The following NT5DC4 variants were observed in gnomAD, a reference collection of about 807,000 sequenced individuals.
NT5DC4 encodes 5'-nucleotidase domain-containing protein 4.
A neutral mutation model predicts 26.6 loss-of-function variants in NT5DC4; 44 were observed. That is an observed-to-expected ratio of 1.65 (90% CI 1.30 to 2.13). NT5DC4 has a LOEUF of 2.13. Among genes scored for constraint, NT5DC4 ranks in the 30% most tolerant of loss-of-function variants. The pLI is 0.00. For synonymous variants in NT5DC4, 157 were observed against 86.7 expected, an observed-to-expected ratio of 1.81 and a Z score of -4.51; for missense variants, 399 against 228.1, an observed-to-expected ratio of 1.75 and a Z score of -4.83.
downstream of NT5DC4, chr2:112,740,764 A>T: frequency 2.8e-6 from 4 of 1,437,150 alleles, no homozygotes; most frequent in South Asian, 5.0e-5. Flanking sequence ...AAAAATCGAG[A>T]CTTGGACTAG....
At chr2:112,740,816 AC>A, downstream of NT5DC4, 1 of 1,601,262 alleles carries the variant, frequency 6.2e-7, no homozygotes, top group Non-Finnish European at 8.5e-7. Flanking sequence ...GAGTTTGCTT[AC>A]CTAGGGATTG....
chr2:112,719,922 TTC>T (rs775342939), upstream of NT5DC4, among the ~76,000 whole-genome samples: 3,560 of 89,914 alleles, frequency 0.04, 160 homozygotes, highest in Admixed American at 0.1. Flanking sequence ...CTTTCTTTCT[TTC>T]TCTTTCTTTC....
chr2:112,739,800 G>T (rs915249365), downstream of NT5DC4, among the ~76,000 whole-genome samples: 3 of 152,112 alleles, frequency 2.0e-5, 1 homozygote, highest in Admixed American at 2.0e-4. Flanking sequence ...GAGCACAAAC[G>T]TATGCCAGCA....
chr2:112,721,645 C>T (rs1480141497), intron 1 of NT5DC4, 173 bp from the exon 2 acceptor site: 2 of 716,776 alleles, frequency 2.8e-6, no homozygotes, highest in East Asian at 2.7e-5. Flanking sequence ...TGCCTTCAGA[C>T]ACACATGGGT....
rs1259441827 is a variant in NT5DC4 at position 112,739,088 on chromosome 2, T to A, written c.*152T>A. The stretch of plus-strand genomic sequence containing the variant: ...GAGATGCATTAAAAACCTTATCATT[T>A]AAAAAAATTATCTTTATTATTTTTT... On this transcript the variant is annotated 3_prime_UTR_variant, in exon 17 of 17. Transcript: ENST00000688554. 22 of 1,429,952 alleles carry A rather than the reference T, an allele frequency of 1.5e-5. No individual in the cohort carries two copies. Among genetic ancestry groups the A allele is most frequent in the African/African-American group, 5.7e-5 (4 of 69,780 alleles). The allele number at this position is 1,429,952 out of a possible 1,614,324, so 88.6% of individuals were successfully genotyped here. A position where few individuals can be genotyped will look rare whatever the true frequency, so the allele number is the denominator to read the frequency against.
In NT5DC4 at chr2:112,724,761, C is replaced by A. The variant is rs1677471765; in HGVS notation, c.790-20C>A. The A allele has an allele frequency of 1.4e-6, 1 of 716,364 alleles. No individual in the cohort carries two copies. The highest frequency in any genetic ancestry group is 2.6e-6 in the Non-Finnish European group (1 of 384,768). 44.4% of individuals were successfully genotyped at this position (716,364 alleles called of 1,614,324 possible). A position where few individuals can be genotyped will look rare whatever the true frequency, so the allele number is the denominator to read the frequency against. ...GATTTACCAGGCTGTGTGTGTGCAG[C>A]CCGTGTGCACCCCCAACAGGCTGAA... On this transcript the variant is annotated intron_variant, in intron 10 of 16. Transcript: ENST00000688554.
At chr2:112,741,748 G>A (rs887038592), downstream of NT5DC4, among the ~76,000 whole-genome samples, 9 of 151,954 alleles carry the variant, frequency 5.9e-5, no homozygotes, top group African/African-American at 2.2e-4. Flanking sequence ...TGACTTGATT[G>A]TTCCCCAGTT....
At chr2:112,720,714 A>G (rs1363596747), upstream of NT5DC4, among the ~76,000 whole-genome samples, 1 of 152,186 alleles carries the variant, frequency 6.6e-6, no homozygotes, top group Non-Finnish European at 1.5e-5. Flanking sequence ...TTCTTTTATC[A>G]TGAGTACAGT....
chr2:112,719,926 C>CTTTCTTTCTTTCTTTCTTTT (rs1558714773), upstream of NT5DC4, among the ~76,000 whole-genome samples: 45 of 16,910 alleles, frequency 2.7e-3, no homozygotes, highest in African/African-American at 6.7e-3. Flanking sequence ...CTTTCTTTCT[C>CTTTCTTTCTTTCTTTCTTTT]TTTCTTTCTT....
chr2:112,724,018 T>TG (rs1252005409), intron 9 of NT5DC4, 76 bp from the exon 10 acceptor site: 19 of 714,972 alleles, frequency 2.7e-5, no homozygotes, highest in South Asian at 2.5e-4. Flanking sequence ...ACCAGTGTGC[T>TG]GGGGGGATGG....
At chr2:112,727,863 G>A (rs902572154) in intron 15 of NT5DC4, among the ~76,000 whole-genome samples, 10 of 152,180 alleles carry the variant, frequency 6.6e-5, no homozygotes, top group African/African-American at 1.9e-4. Flanking sequence ...TGCGGTTTCC[G>A]CCAGACACTC....
In NT5DC4 at chr2:112,721,070, C is replaced by A. The variant is rs1676820346; in HGVS notation, c.-10C>A. On this transcript the variant is annotated 5_prime_UTR_variant, in exon 1 of 17. In the 5' UTR this introduces an upstream ATG that the reference lacks. Coordinates refer to ENST00000688554, the MANE Select transcript of NT5DC4 (RefSeq NM_001393655.1). ...AAGGGACACTTGCCTCCTCCTCACT[C>A]TGGGTGACGATGGCCAGTGTAGACT... is the stretch of plus-strand genomic sequence containing the variant. Among the ~76,000 whole-genome samples, 1 of 152,160 alleles carries A rather than the reference C, an allele frequency of 6.6e-6. No homozygotes were observed. Among genetic ancestry groups the A allele is most frequent in the African/African-American group, 2.4e-5 (1 of 41,434 alleles).
chr2:112,738,660 T>C (rs1323433459), intron 16 of NT5DC4: 1 of 609,752 alleles, frequency 1.6e-6, no homozygotes, highest in Non-Finnish European at 2.9e-6. Context: ...GATTTTCCCA[T>C]GGGGAGAGAA....
upstream of NT5DC4, among the ~76,000 whole-genome samples, chr2:112,720,415 T>A (rs939166785): frequency 6.6e-6 from 1 of 152,164 alleles, no homozygotes; most frequent in Non-Finnish European, 1.5e-5. Flanking sequence ...TCTTTCTGGA[T>A]GATCCAGGTC....
downstream of NT5DC4, among the ~76,000 whole-genome samples, chr2:112,739,808 G>A (rs1194519376): frequency 6.6e-6 from 1 of 152,154 alleles, no homozygotes; most frequent in Non-Finnish European, 1.5e-5. Context: ...ACGTATGCCA[G>A]CATGCCTGGC....
intron 16 of NT5DC4, chr2:112,731,660 A>T (rs1280557657): frequency 6.6e-6 from 1 of 152,224 alleles, no homozygotes; most frequent in East Asian, 1.9e-4. Flanking sequence ...GTGGTATTAA[A>T]GTGCTGAAGC....
Position 112,723,456 on chromosome 2 carries a change from T to G in NT5DC4, c.660T>G (p.Tyr220Ter). 1.4e-6 allele frequency: 1 copy of G among 717,006 alleles called. No homozygotes were observed. The highest frequency in any genetic ancestry group is 2.6e-6 in the Non-Finnish European group (1 of 385,036). The allele number at this position is 717,006 out of a possible 1,614,324, so 44.4% of individuals were successfully genotyped here. A position where few individuals can be genotyped will look rare whatever the true frequency, so the allele number is the denominator to read the frequency against. ...AGACCCTGGAGGACTTGGAGAAATA[T>G]GTGAAGAAGGATGTGAGTGGCCACA... ...LKKTLEDLEK[Y>*]VKKDPRLPIL... The change falls in exon 8 of 17, where the codon TAT becomes TAG. Residue 220 changes from tyrosine to a stop codon, truncating the protein, a stop_gained. Transcript: ENST00000688554. LOFTEE classifies it high-confidence loss of function.
chr2:112,722,412 G>A, intron 4 of NT5DC4, 71 bp from the exon 5 acceptor site: 1 of 715,140 alleles, frequency 1.4e-6, no homozygotes, highest in South Asian at 1.5e-5. Context: ...ATGCGTGGTG[G>A]TTGGAAGGGA....
At chr2:112,732,741 AG>A (rs533381375) in intron 16 of NT5DC4, among the ~76,000 whole-genome samples, 144 of 152,320 alleles carry the variant, frequency 9.5e-4, no homozygotes, top group African/African-American at 3.4e-3. Flanking sequence ...GAGGGAAAGG[AG>A]AGAGGTGGCC....
Sources: allele counts gnomAD v4.1 joint callset (sites outside exome capture counted in the v4.1 genomes callset), GRCh38; gene constraint gnomAD v4.1.1; transcripts MANE v1.5; gene names NCBI Gene and HGNC (gene_info 2026-07-23, HGNC 2026-07-21).